Variants in SPATA20 observed in about 807,000 individuals in gnomAD.
SPATA20 encodes the protein spermatogenesis-associated protein 20.
In SPATA20, 74 loss-of-function variants were observed where a neutral mutation model predicts 98.9. The observed-to-expected ratio is 0.75, with a 90% CI of 0.62 to 0.91. The LOEUF (loss-of-function observed/expected upper bound fraction) is 0.91, where lower values mean the gene tolerates loss of function less well. Among genes scored for constraint, SPATA20 ranks in the 40% least tolerant of loss-of-function variants. SPATA20 has a pLI of 0.00. For missense variants in SPATA20, 1,016 were observed against 1,069.8 expected (o/e 0.95, Z 0.70); for synonymous variants, 430 against 440.5 (o/e 0.98, Z 0.30).
chr17:50,555,346 C>A, intron 16 of SPATA20, 34 bp downstream of exon 16: 3 of 1,600,630 alleles, frequency 1.9e-6, no homozygotes, highest in Non-Finnish European at 2.6e-6. Context: ...CTGCCACCTC[C>A]CCAGAGCTGC....
intron 14 of SPATA20, among the ~76,000 whole-genome samples, chr17:50,553,121 G>C (rs908916811): frequency 6.6e-5 from 10 of 152,240 alleles, no homozygotes; most frequent in Admixed American, 6.5e-5. Context: ...GACGCTCTAT[G>C]TGTGCCTGCT....
Position 50,552,004 on chromosome 17 carries a change from CCTT to C in SPATA20, c.1783_1785del (p.Phe595del). 1 of 1,611,902 alleles carries C rather than the reference CCTT, an allele frequency of 6.2e-7. No individual in the cohort carries two copies. Among genetic ancestry groups the C allele is most frequent in the Non-Finnish European group, 8.5e-7 (1 of 1,179,130 alleles). ...TGCTGGGGCTTCCTGGAGGACTACG[CCTT>C]CGTGGTGCGGGGCCTGCTGGACCTG... On this transcript the variant is annotated inframe_deletion, in exon 14 of 17. Transcript: ENST00000006658.
chr17:50,547,395 G>A, intron 1 of SPATA20, 110 bp downstream of exon 1: 1 of 969,874 alleles, frequency 1.0e-6, no homozygotes, highest in Non-Finnish European at 1.5e-6. Context: ...ACCCCTGCAT[G>A]CCTGGCCCTT....
chr17:50,548,554 G>T lies in SPATA20; in HGVS notation c.297G>T (p.Trp99Cys). ...TGATGCCCCACCCTGCTGGGTCTAG[G>T]TACCCCTGGGGACAGGAAGCCTTCG... ...LLQHAYNPVD[W>C]YPWGQEAFDK... The change falls in exon 4 of 17, where the codon TGG becomes TGT. Residue 99 changes from tryptophan (W) to cysteine (C), a missense_variant and splice_region_variant. Trp to Cys is a radical substitution (Grantham distance 215). Coordinates refer to ENST00000006658, the MANE Select transcript of SPATA20 (RefSeq NM_022827.4). 1 of 1,613,682 alleles carries T rather than the reference G, an allele frequency of 6.2e-7. No individual in the cohort carries two copies. The highest frequency in any genetic ancestry group is 8.5e-7 in the Non-Finnish European group (1 of 1,179,836).
intron 7 of SPATA20, 61 bp downstream of exon 7, chr17:50,549,548 G>A: frequency 1.2e-5 from 18 of 1,521,962 alleles, no homozygotes; most frequent in Non-Finnish European, 1.6e-5. Flanking sequence ...TGCTGGTCAG[G>A]GACCTACTGG....
intron 15 of SPATA20, among the ~76,000 whole-genome samples, chr17:50,554,845 G>C (rs1157892204): frequency 6.6e-6 from 1 of 150,672 alleles, no homozygotes; most frequent in African/African-American, 2.5e-5. Context: ...TGTGTGTCTG[G>C]TGTTTGTGTG....
chr17:50,548,966 T>G lies in SPATA20; in HGVS notation c.516+2T>G. ...AAGGTGTACATGACGTTCGTGCAGGTGAGCAGCCCTCCTCGGGAGTGTATG... is the reference window on the plus strand; with the variant it reads ...AAGGTGTACATGACGTTCGTGCAGGGGAGCAGCCCTCCTCGGGAGTGTATG... On this transcript the variant is annotated splice_donor_variant, in intron 5 of 16. Coordinates refer to ENST00000006658, the MANE Select transcript of SPATA20 (RefSeq NM_022827.4). LOFTEE classifies it high-confidence loss of function. The G allele has an allele frequency of 6.2e-7, 1 of 1,614,124 alleles. No individual in the cohort carries two copies. The highest frequency in any genetic ancestry group is 8.5e-7 in the Non-Finnish European group (1 of 1,179,998).
intron 14 of SPATA20, 28 bp from the exon 15 acceptor site, chr17:50,554,223 C>A: frequency 6.2e-7 from 1 of 1,610,304 alleles, no homozygotes; most frequent in Non-Finnish European, 8.5e-7. Flanking sequence ...GCCCTTACCC[C>A]CACCCCCTGC....
At chr17:50,553,776 C>T (rs975814506) in intron 14 of SPATA20, among the ~76,000 whole-genome samples, 1 of 152,038 alleles carries the variant, frequency 6.6e-6, no homozygotes, top group Admixed American at 6.5e-5. Flanking sequence ...GGGAAACAGG[C>T]GACCAGTTAG....
Position 50,551,055 on chromosome 17 carries a change from C to G in SPATA20, c.1441C>G (p.Leu481Val). 6.2e-7 allele frequency: 1 copy of G among 1,613,446 alleles called. No homozygotes were observed. Among genetic ancestry groups the G allele is most frequent in the Non-Finnish European group, 8.5e-7 (1 of 1,180,014 alleles). The change falls in exon 12 of 17, where the codon CTG becomes GTG. Residue 481 changes from leucine to valine, a missense_variant. Coordinates refer to ENST00000006658, the MANE Select transcript of SPATA20 (RefSeq NM_022827.4). Reference protein sequence around the residue: ...NVLTVRYSLELTAARFGLDVE... With the variant: ...NVLTVRYSLEVTAARFGLDVE... ...GCTGACCGTCCGGTACTCGCTGGAGCTGACTGCTGCCCGCTTTGGCTTGGA... is the reference window on the plus strand; with the variant it reads ...GCTGACCGTCCGGTACTCGCTGGAGGTGACTGCTGCCCGCTTTGGCTTGGA...
intron 7 of SPATA20, 32 bp from the exon 8 acceptor site, chr17:50,549,953 C>T (rs771756297): frequency 1.3e-6 from 2 of 1,524,766 alleles, no homozygotes; most frequent in Admixed American, 4.1e-5. Flanking sequence ...CTTTCCCATT[C>T]TCTCACCTGC....
rs2035024243 is a variant in SPATA20 at position 50,552,012 on chromosome 17, G to T, written c.1789G>T (p.Val597Leu). The T allele has an allele frequency of 6.2e-7, 1 of 1,612,844 alleles. No homozygotes were observed. Among genetic ancestry groups the T allele is most frequent in the Middle Eastern group, 1.7e-4 (1 of 6,052 alleles). The change falls in exon 14 of 17, where the codon GTG (valine) becomes TTG (leucine). Residue 597 changes from valine to leucine, a missense_variant. Transcript: ENST00000006658. ...WGFLEDYAFV[V>L]RGLLDLYEAS... ...CTTCCTGGAGGACTACGCCTTCGTGGTGCGGGGCCTGCTGGACCTGTATGA... is the reference window on the plus strand; with the variant it reads ...CTTCCTGGAGGACTACGCCTTCGTGTTGCGGGGCCTGCTGGACCTGTATGA...
intron 14 of SPATA20, among the ~76,000 whole-genome samples, chr17:50,552,565 CTTT>C (rs36121212): frequency 1.0e-4 from 13 of 128,564 alleles, no homozygotes; most frequent in Admixed American, 1.6e-4. Flanking sequence ...CTTTCTTTCT[CTTT>C]TTTTTTTTTT....
chr17:50,548,531 A>G, intron 3 of SPATA20, 23 bp from the exon 4 acceptor site: 1 of 1,613,420 alleles, frequency 6.2e-7, no homozygotes, highest in Non-Finnish European at 8.5e-7. Flanking sequence ...CTACTGAGTG[A>G]TGCCCCACCC....
chr17:50,547,388 C>T, intron 1 of SPATA20, 103 bp downstream of exon 1: 1 of 1,016,010 alleles, frequency 9.8e-7, no homozygotes, highest in South Asian at 1.7e-5. Flanking sequence ...CTGGACCACC[C>T]CTGCATGCCT....
rs1302943664 is a variant in SPATA20, at chr17:50,549,057, CG to C, written c.536del (p.Gly179AlafsTer4). On this transcript the variant is annotated frameshift_variant, in exon 6 of 17. Transcript: ENST00000006658. LOFTEE classifies it high-confidence loss of function. ...CTCTCCGCCAGGCCACCAGCAGCGG[CG>C]GGGGCTGGCCCATGAATGTGTGGCT... ...MTFVQATSSG[G>X]GWPMNVWLTP... 22 of 1,613,494 alleles carry C rather than the reference CG, an allele frequency of 1.4e-5. No individual in the cohort carries two copies. Among genetic ancestry groups the C allele is most frequent in the Non-Finnish European group, 1.7e-5 (20 of 1,179,948 alleles).
At position 50,549,032 on chromosome 17, in the gene SPATA20, C is replaced by T. The variant is rs372517018; in HGVS notation, c.517-11C>T. The T allele has an allele frequency of 5.8e-5, 93 of 1,613,680 alleles. No homozygotes were observed. In the Middle Eastern group the frequency reaches 6.6e-4, roughly 11 times the overall value. ...GAGCAGCTCCCCTCACCCTCGCCCT[C>T]TCTCCGCCAGGCCACCAGCAGCGGC... On this transcript the variant is annotated splice_polypyrimidine_tract_variant and intron_variant, in intron 5 of 16. Coordinates refer to ENST00000006658, the MANE Select transcript of SPATA20 (RefSeq NM_022827.4).
At chr17:50,548,228 C>A in intron 2 of SPATA20, 55 bp from the exon 3 acceptor site, 2 of 1,588,148 alleles carry the variant, frequency 1.3e-6, no homozygotes, top group Non-Finnish European at 1.7e-6. Flanking sequence ...GCTGGGGGGC[C>A]TGGGAGAAGG....
At position 50,552,180 on chromosome 17, in the gene SPATA20, G is replaced by A. The variant is rs770723803; in HGVS notation, c.1957G>A (p.Asp653Asn). 15 of 1,613,176 alleles carry A rather than the reference G, an allele frequency of 9.3e-6. No homozygotes were observed. The highest frequency in any genetic ancestry group is 1.3e-5 in the African/African-American group (1 of 75,060). Residue 653 changes from aspartate to asparagine, a missense_variant and splice_region_variant, in exon 14 of 17, where the codon GAC (aspartate) becomes AAC (asparagine). By Grantham distance (23) the Asp-to-Asn change is conservative. Coordinates refer to ENST00000006658, the MANE Select transcript of SPATA20 (RefSeq NM_022827.4). ...TGGCCTGCCCCTGCGTCTGAAGGAC[G>A]GTCAGTGGGGGTGCAGGGCTAGTCT... ...GAGLPLRLKDDQDGAEPSANS... is the reference protein window; with the variant it reads ...GAGLPLRLKDNQDGAEPSANS...
Sources: gnomAD v4.1 joint callset for allele counts (sites outside exome capture counted in the v4.1 genomes callset) on GRCh38, gnomAD v4.1.1 for gene constraint, MANE v1.5 for transcripts, NCBI Gene and HGNC (gene_info 2026-07-23, HGNC 2026-07-21) for gene names.